Variants in SERP2 observed in about 807,000 individuals in gnomAD.
SERP2 encodes stress-associated endoplasmic reticulum protein 2.
Under a neutral mutation model 9.1 loss-of-function variants are expected in SERP2, and 6 were observed. The observed-to-expected ratio is 0.66, with a 90% CI of 0.36 to 1.30. SERP2 has a LOEUF of 1.30. Ranked by LOEUF, SERP2 falls within the 50% of genes most tolerant of loss-of-function variation. The pLI is 0.03. For synonymous variants in SERP2, 37 were observed against 27.3 expected (o/e 1.35, Z -1.10); for missense variants, 58 against 81.9 (o/e 0.71, Z 1.13).
At chr13:44,391,719 C>T (rs1162014755) in intron 2 of SERP2, among the ~76,000 whole-genome samples, 9 of 152,136 alleles carry the variant, frequency 5.9e-5, no homozygotes, top group Non-Finnish European at 1.3e-4. Context: ...CCCTTAACTC[C>T]AGGGTTTGGG....
intron 2 of SERP2, among the ~76,000 whole-genome samples, chr13:44,392,720 G>A (rs1373782560): frequency 6.6e-6 from 1 of 152,066 alleles, no homozygotes; most frequent in African/African-American, 2.4e-5. Flanking sequence ...TGAGTCCGAG[G>A]TACCTCTGAG....
rs1459104602 is a variant in SERP2 at position 44,373,900 on chromosome 13, C to A, written c.-126C>A. 2.5e-6 allele frequency: 2 copies of A among 809,728 alleles called. No homozygotes were observed. Among genetic ancestry groups the A allele is most frequent in the Non-Finnish European group, 3.9e-6 (2 of 509,034 alleles). 50.2% of individuals were successfully genotyped at this position (809,728 alleles called of 1,614,324 possible). On this transcript the variant is annotated 5_prime_UTR_variant, in exon 1 of 3. Transcript: ENST00000379179. The surrounding 1 kb of genome is among the most constrained non-coding windows in gnomAD (Gnocchi z 4.8). ...GGAGCGGGGTGCGCAGGGCTCGGGG[C>A]CACGCCTTGCCACCTGCAGCGCCCG...
chr13:44,397,421 A>C lies in SERP2; in HGVS notation c.*109A>C. 1 of 823,706 alleles carries C rather than the reference A, an allele frequency of 1.2e-6. No homozygotes were observed. 51.0% of individuals were successfully genotyped at this position (823,706 alleles called of 1,614,324 possible). A position where few individuals can be genotyped will look rare whatever the true frequency, so the allele number is the denominator to read the frequency against. On this transcript the variant is annotated 3_prime_UTR_variant, in exon 3 of 3. Transcript: ENST00000379179. ...AGCAGGCCACACGGAATAGAAAAAAACGCTCCCCCACTTGTTCCCTGATCA... is the reference window on the plus strand; with the variant it reads ...AGCAGGCCACACGGAATAGAAAAAACCGCTCCCCCACTTGTTCCCTGATCA...
intron 2 of SERP2, among the ~76,000 whole-genome samples, chr13:44,389,213 T>C (rs776467795): frequency 5.3e-5 from 8 of 152,178 alleles, no homozygotes; most frequent in Admixed American, 1.3e-4. Context: ...GCACATGCCA[T>C]AGGGAGGAAG....
intron 2 of SERP2, among the ~76,000 whole-genome samples, chr13:44,392,515 T>C (rs1356800507): frequency 6.6e-6 from 1 of 152,094 alleles, no homozygotes; most frequent in Non-Finnish European, 1.5e-5. Flanking sequence ...GGGAGGATGA[T>C]GGTAACTTGG....
intron 1 of SERP2, among the ~76,000 whole-genome samples, chr13:44,378,927 G>A (rs757298298): frequency 3.3e-5 from 5 of 152,162 alleles, no homozygotes; most frequent in Non-Finnish European, 7.3e-5. Context: ...CTTCTCCCAA[G>A]TGCAAGCTTT....
chr13:44,383,197 T>C (rs1306287520), intron 2 of SERP2, among the ~76,000 whole-genome samples: 2 of 151,320 alleles, frequency 1.3e-5, no homozygotes, highest in Non-Finnish European at 1.5e-5. Context: ...AGGGTCTAAG[T>C]AGATAAAGAT....
At chr13:44,390,315 G>C (rs1872567841) in intron 2 of SERP2, 1 of 108,150 alleles carries the variant, frequency 9.2e-6, no homozygotes, top group Non-Finnish European at 1.8e-5. Context: ...ACCCGCCCTG[G>C]ACACTTGCTC....
chr13:44,395,598 C>T (rs755313127), intron 2 of SERP2, among the ~76,000 whole-genome samples: 104 of 129,766 alleles, frequency 8.0e-4, no homozygotes, highest in Non-Finnish European at 1.2e-3. Context: ...AGGAAGACTC[C>T]GTCTCAAAAA....
intron 1 of SERP2, 42 bp downstream of exon 1, chr13:44,374,151 C>T: frequency 6.6e-6 from 2 of 303,968 alleles, no homozygotes; most frequent in South Asian, 4.5e-5. Flanking sequence ...CCCTGCAGCC[C>T]GGCGGGGTGG....
In SERP2 at chr13:44,373,851, T is replaced by C; in HGVS notation, c.-175T>C. 1 of 552,304 alleles carries C rather than the reference T, an allele frequency of 1.8e-6. No individual in the cohort carries two copies. The highest frequency in any genetic ancestry group is 2.4e-5 in the South Asian group (1 of 41,118). 34.2% of individuals were successfully genotyped at this position (552,304 alleles called of 1,614,324 possible). On this transcript the variant is annotated 5_prime_UTR_variant, in exon 1 of 3. Transcript: ENST00000379179. This position sits in a 1 kb window ranked among gnomAD's most constrained non-coding sequence, Gnocchi z 4.8. Reference sequence around the variant, plus strand: ...TTCCGTCCGGGCTGCGGCCTCTCTCTGGAGTCGGCTAGCCGGGGCTCGGGG... The same window carrying C: ...TTCCGTCCGGGCTGCGGCCTCTCTCCGGAGTCGGCTAGCCGGGGCTCGGGG...
At chr13:44,394,943 T>A (rs562506847) in intron 2 of SERP2, among the ~76,000 whole-genome samples, 18 of 152,230 alleles carry the variant, frequency 1.2e-4, no homozygotes, top group Non-Finnish European at 1.8e-4. Context: ...ATGATCCTCA[T>A]TTTACAGAAC....
At chr13:44,390,279 T>C (rs900078887) in intron 2 of SERP2, 1 of 344,210 alleles carries the variant, frequency 2.9e-6, no homozygotes, top group Non-Finnish European at 6.0e-6. Flanking sequence ...GGCTGCCTCT[T>C]GGTTGGGCCA....
At chr13:44,377,295 T>A (rs1210979625) in intron 1 of SERP2, among the ~76,000 whole-genome samples, 8 of 152,246 alleles carry the variant, frequency 5.3e-5, no homozygotes, top group Admixed American at 5.2e-4. Flanking sequence ...ATTCACTTAT[T>A]AGCTTTGCTG....
intron 2 of SERP2, among the ~76,000 whole-genome samples, chr13:44,381,598 C>T (rs1201349686): frequency 1.3e-5 from 2 of 152,238 alleles, no homozygotes; most frequent in Non-Finnish European, 2.9e-5. Flanking sequence ...AGTGTGACCA[C>T]CACAGAGGCA....
rs1296035141 is a variant in SERP2 at position 44,397,407 on chromosome 13, C to T, written c.*95C>T. 1.5e-5 allele frequency: 15 copies of T among 985,038 alleles called. No individual in the cohort carries two copies. Among genetic ancestry groups the T allele is most frequent in the African/African-American group, 6.4e-5 (4 of 62,646 alleles). 61.0% of individuals were successfully genotyped at this position (985,038 alleles called of 1,614,324 possible). A position where few individuals can be genotyped will look rare whatever the true frequency, so the allele number is the denominator to read the frequency against. On this transcript the variant is annotated 3_prime_UTR_variant, in exon 3 of 3. Transcript: ENST00000379179. ...TTCTGCGGGAAACAAGCAGGCCACA[C>T]GGAATAGAAAAAAACGCTCCCCCAC...
intron 2 of SERP2, among the ~76,000 whole-genome samples, chr13:44,389,692 TA>T (rs1872523948): frequency 6.6e-6 from 1 of 152,160 alleles, no homozygotes; most frequent in Non-Finnish European, 1.5e-5. Context: ...CCCCCCTGGA[TA>T]GATAAAGGAT....
intron 2 of SERP2, chr13:44,390,629 G>A: frequency 4.2e-6 from 1 of 236,074 alleles, no homozygotes; most frequent in Non-Finnish European, 8.7e-6. Context: ...TTGTGTAGAG[G>A]CTCTCTCTCA....
intron 2 of SERP2, among the ~76,000 whole-genome samples, chr13:44,380,906 G>T (rs1871932524): frequency 6.6e-6 from 1 of 152,122 alleles, no homozygotes; most frequent in Non-Finnish European, 1.5e-5. Flanking sequence ...GTTCAGATTT[G>T]AACTCCTAGG....
Sources: allele counts gnomAD v4.1 joint callset (sites outside exome capture counted in the v4.1 genomes callset), GRCh38; gene constraint gnomAD v4.1.1; non-coding constraint Gnocchi (gnomAD v3.1); transcripts MANE v1.5; gene names NCBI Gene and HGNC (gene_info 2026-07-23, HGNC 2026-07-21).